YWHAE: variants seen among roughly 807,000 people sequenced by gnomAD.
YWHAE encodes tyrosine 3-monooxygenase/tryptophan 5-monooxygenase activation protein epsilon, also known as 14-3-3 protein epsilon.
In YWHAE, 4 loss-of-function variants were observed where a neutral mutation model predicts 30.1. The ratio of observed to expected loss-of-function variants is 0.13; its 90% CI spans 0.07 to 0.30. The LOEUF (loss-of-function observed/expected upper bound fraction) is 0.30, where lower values mean the gene tolerates loss of function less well. YWHAE is among the 10% of genes least tolerant of loss of function. YWHAE has a pLI of 1.00. For missense variants in YWHAE, 121 were observed against 315.9 expected (o/e 0.38, Z 4.68); for synonymous variants, 118 against 111.8 (o/e 1.06, Z -0.35).
intron 1 of YWHAE, among the ~76,000 whole-genome samples, chr17:1,385,074 C>A (rs2073279506): frequency 6.9e-6 from 1 of 144,008 alleles, no homozygotes; most frequent in South Asian, 2.1e-4. Flanking sequence ...CAGGCATGAC[C>A]ATAACACTCC....
chr17:1,386,265 A>C (rs8072321), intron 1 of YWHAE, among the ~76,000 whole-genome samples: 73,075 of 151,972 alleles, frequency 0.48, 19,026 homozygotes, highest in African/African-American at 0.67. Context: ...TGAGCTTTCT[A>C]CAGTCTTTAA....
intron 4 of YWHAE, among the ~76,000 whole-genome samples, chr17:1,359,094 C>T (rs1345521692): frequency 1.3e-5 from 2 of 151,744 alleles, no homozygotes; most frequent in African/African-American, 4.8e-5. Context: ...CAAGATCACG[C>T]CACTGCACTC....
At chr17:1,349,258 C>T (rs2072579686) in intron 5 of YWHAE, among the ~76,000 whole-genome samples, 1 of 152,106 alleles carries the variant, frequency 6.6e-6, no homozygotes, top group African/African-American at 2.4e-5. Context: ...AGAAGAATCG[C>T]TTGAACCCGG....
chr17:1,380,726 G>C (rs2073194041), intron 1 of YWHAE, among the ~76,000 whole-genome samples: 1 of 152,172 alleles, frequency 6.6e-6, no homozygotes, highest in Non-Finnish European at 1.5e-5. Flanking sequence ...AAAGCCTTTT[G>C]CAGAATACAG....
At chr17:1,360,421 T>C (rs759741395) in intron 4 of YWHAE, among the ~76,000 whole-genome samples, 6 of 152,086 alleles carry the variant, frequency 3.9e-5, no homozygotes, top group Non-Finnish European at 7.3e-5. Context: ...ACAGAAAATA[T>C]AAAATTATGT....
chr17:1,366,829 C>T (rs1279264293), intron 1 of YWHAE, among the ~76,000 whole-genome samples: 1 of 152,066 alleles, frequency 6.6e-6, no homozygotes, highest in Non-Finnish European at 1.5e-5. Context: ...GTAATCCCAG[C>T]TACCAGGAAG....
intron 1 of YWHAE, among the ~76,000 whole-genome samples, chr17:1,366,975 T>G (rs185222950): frequency 1.3e-5 from 2 of 151,878 alleles, no homozygotes; most frequent in Non-Finnish European, 2.9e-5. Flanking sequence ...CAAAACACTA[T>G]TAAATTAAGG....
chr17:1,361,082 C>T lies in YWHAE; in HGVS notation c.578+10G>A. On this transcript the variant is annotated intron_variant, in intron 4 of 5. Transcript: ENST00000264335. The stretch of plus-strand genomic sequence containing the variant: ...CACGCTGAGCGCTGCTGTTCTTCCC[C>T]ACAACTTACCTGCAGGCACGGTCAG... 1 of 1,613,474 alleles carries T rather than the reference C, an allele frequency of 6.2e-7. No homozygotes were observed. The highest frequency in any genetic ancestry group is 8.5e-7 in the Non-Finnish European group (1 of 1,179,498).
At chr17:1,387,539 TAGA>T (rs2073317268) in intron 1 of YWHAE, among the ~76,000 whole-genome samples, 1 of 152,160 alleles carries the variant, frequency 6.6e-6, no homozygotes, top group South Asian at 2.1e-4. Flanking sequence ...TTCGGTTTAG[TAGA>T]AGGATTAACT....
intron 1 of YWHAE, among the ~76,000 whole-genome samples, chr17:1,392,081 C>T (rs2073396503): frequency 6.7e-6 from 1 of 150,166 alleles, no homozygotes; most frequent in South Asian, 2.1e-4. Context: ...ACTTCTGTAG[C>T]CCCAGCTACT....
intron 1 of YWHAE, among the ~76,000 whole-genome samples, chr17:1,379,346 G>T (rs1295615235): frequency 6.6e-6 from 1 of 151,914 alleles, no homozygotes; most frequent in Non-Finnish European, 1.5e-5. Flanking sequence ...TTAGCCGGGC[G>T]TGGTGGCACA....
At chr17:1,359,230 G>GA (rs558635151) in intron 4 of YWHAE, among the ~76,000 whole-genome samples, 69 of 152,238 alleles carry the variant, frequency 4.5e-4, no homozygotes, top group African/African-American at 1.6e-3. Flanking sequence ...TCAGGTAGGC[G>GA]AATCGGCTGA....
At chr17:1,395,386 G>T (rs568866622) in intron 1 of YWHAE, among the ~76,000 whole-genome samples, 3 of 151,832 alleles carry the variant, frequency 2.0e-5, no homozygotes, top group African/African-American at 4.8e-5. Flanking sequence ...AAAATTAGCC[G>T]AGTGTGGTGG....
intron 1 of YWHAE, among the ~76,000 whole-genome samples, chr17:1,382,587 C>T (rs914128792): frequency 6.6e-6 from 1 of 151,518 alleles, no homozygotes; most frequent in Non-Finnish European, 1.5e-5. Flanking sequence ...ATCTCAATCT[C>T]CTGACCCTGT....
At chr17:1,399,825 G>T in intron 1 of YWHAE, 1 of 180,724 alleles carries the variant, frequency 5.5e-6, no homozygotes, top group Non-Finnish European at 1.0e-5. Context: ...CCGGCCTCCC[G>T]GCCCGCGAGT....
At chr17:1,346,990 C>CAAAA (rs71148471) in intron 5 of YWHAE, among the ~76,000 whole-genome samples, 1 of 74,190 alleles carries the variant, frequency 1.3e-5, no homozygotes, top group Non-Finnish European at 2.6e-5. Context: ...GACTCCGTCT[C>CAAAA]AAAAAAAAAA....
intron 1 of YWHAE, among the ~76,000 whole-genome samples, chr17:1,376,134 C>T (rs1170109514): frequency 6.6e-6 from 1 of 152,166 alleles, no homozygotes; most frequent in East Asian, 1.9e-4. Context: ...TTGAGTTGTG[C>T]TTTGATTTAA....
At chr17:1,363,912 G>A (rs1336845047) in intron 2 of YWHAE, among the ~76,000 whole-genome samples, 6 of 152,018 alleles carry the variant, frequency 3.9e-5, no homozygotes, top group African/African-American at 2.4e-5. Context: ...TGTGGGGCCC[G>A]TGCTGTGCCC....
At chr17:1,393,901 A>T (rs1056665379) in intron 1 of YWHAE, among the ~76,000 whole-genome samples, 2 of 152,212 alleles carry the variant, frequency 1.3e-5, no homozygotes, top group African/African-American at 4.8e-5. Context: ...TATCTCTGAA[A>T]AAAACCATCA....
Sources: allele counts gnomAD v4.1 joint callset (sites outside exome capture counted in the v4.1 genomes callset), GRCh38; gene constraint gnomAD v4.1.1; transcripts MANE v1.5; gene names NCBI Gene and HGNC (gene_info 2026-07-23, HGNC 2026-07-21).